The following ZDHHC15 variants were observed in gnomAD, a reference collection of about 807,000 sequenced individuals.
The protein encoded by ZDHHC15 is palmitoyltransferase ZDHHC15.
In ZDHHC15, 19 loss-of-function variants were observed where a neutral mutation model predicts 31.7. The observed-to-expected ratio is 0.60, with a 90% confidence interval of 0.42 to 0.88. ZDHHC15 has a LOEUF of 0.88. ZDHHC15 is among the 40% of genes least tolerant of loss of function. The pLI is 0.00. For missense variants in ZDHHC15, 209 were observed against 251.2 expected (o/e 0.83, Z 1.14); for synonymous variants, 103 against 90.0 (o/e 1.14, Z -0.82).
At chrX:75,509,012 A>G (rs1392186180) in intron 1 of ZDHHC15, among the ~76,000 whole-genome samples, 1 of 110,681 alleles carries the variant, frequency 9.0e-6, no homozygotes, top group Non-Finnish European at 1.9e-5. Flanking sequence ...TTTTCTTGTA[A>G]ATTTGTTTGA....
At chrX:75,412,273 T>C (rs1054337174) in intron 10 of ZDHHC15, among the ~76,000 whole-genome samples, 5 of 111,535 alleles carry the variant, frequency 4.5e-5, no homozygotes, top group African/African-American at 1.6e-4. Context: ...CCCTTCTGTG[T>C]ATATATCCAA....
chrX:75,432,548 T>C (rs1481385239), intron 4 of ZDHHC15, among the ~76,000 whole-genome samples: 1 of 111,807 alleles, frequency 8.9e-6, no homozygotes, highest in Non-Finnish European at 1.9e-5. Context: ...TAAAATATAC[T>C]GTCAATGCTC....
At chrX:75,464,901 A>C (rs915595100) in intron 3 of ZDHHC15, among the ~76,000 whole-genome samples, 1 of 112,057 alleles carries the variant, frequency 8.9e-6, no homozygotes, top group Non-Finnish European at 1.9e-5. Context: ...GCACAAGATA[A>C]GGATGCCCTC....
intron 3 of ZDHHC15, among the ~76,000 whole-genome samples, chrX:75,455,856 G>T (rs1275957625): frequency 1.8e-5 from 2 of 112,009 alleles, no homozygotes; most frequent in African/African-American, 6.5e-5. Context: ...AGAAACAACA[G>T]TTGCTGGAGA....
intron 6 of ZDHHC15, 32 bp downstream of exon 6, chrX:75,429,916 T>A (rs1354072550): frequency 8.3e-7 from 1 of 1,202,116 alleles, no homozygotes; most frequent in Admixed American, 2.2e-5. Flanking sequence ...TTTGACCCCT[T>A]TAGAGGAGAG....
At chrX:75,490,784 TC>T (rs934160127) in intron 2 of ZDHHC15, among the ~76,000 whole-genome samples, 2 of 111,732 alleles carry the variant, frequency 1.8e-5, no homozygotes, top group African/African-American at 6.5e-5. Flanking sequence ...ATGATTTGGC[TC>T]TCTGTTTGTC....
At chrX:75,393,601 G>T (rs2083268758) in intron 10 of ZDHHC15, among the ~76,000 whole-genome samples, 1 of 111,217 alleles carries the variant, frequency 9.0e-6, no homozygotes, top group Non-Finnish European at 1.9e-5. Context: ...CATACTATTA[G>T]AAGTAGAGTC....
Position 75,370,845 on chromosome X carries a change from T to C in ZDHHC15, c.*2133A>G, listed in dbSNP as rs2083000321. The stretch of plus-strand genomic sequence containing the variant: ...CTGCGCCCAGCCTTATTTGGCCTTT[T>C]AAAGACAGTGTAAATCTGTAAGACA... On this transcript the variant is annotated 3_prime_UTR_variant, in exon 12 of 12. Coordinates refer to ENST00000373367, the MANE Select transcript of ZDHHC15 (RefSeq NM_144969.3). 8.9e-6 allele frequency: 1 copy of C among 112,074 alleles called. No individual in the cohort carries two copies. Among genetic ancestry groups the C allele is most frequent in the Admixed American group, 9.5e-5 (1 of 10,534 alleles). The allele number at this position is 112,074 out of a possible 1,213,427, so 9.2% of individuals were successfully genotyped here.
intron 10 of ZDHHC15, among the ~76,000 whole-genome samples, chrX:75,409,597 C>T (rs188884587): frequency 9.6e-6 from 1 of 104,661 alleles, no homozygotes; most frequent in African/African-American, 3.5e-5. Flanking sequence ...GAGATTGAGA[C>T]CATCCTGGCT....
chrX:75,477,116 T>A (rs1293504170), intron 3 of ZDHHC15, among the ~76,000 whole-genome samples: 1 of 111,893 alleles, frequency 8.9e-6, no homozygotes, highest in Non-Finnish European at 1.9e-5. Flanking sequence ...ATTTCCCTTA[T>A]GCTGTCTTAT....
At chrX:75,417,647 A>G (rs1376498639) in intron 9 of ZDHHC15, among the ~76,000 whole-genome samples, 1 of 112,059 alleles carries the variant, frequency 8.9e-6, no homozygotes, top group Non-Finnish European at 1.9e-5. Context: ...TTTGGTGTGC[A>G]TGGCAGAAAG....
chrX:75,508,783 A>G (rs1476127581), intron 1 of ZDHHC15, among the ~76,000 whole-genome samples: 1 of 110,591 alleles, frequency 9.0e-6, no homozygotes, highest in Non-Finnish European at 1.9e-5. Flanking sequence ...AAGTGTTCCT[A>G]TTTCTCCACA....
intron 6 of ZDHHC15, 52 bp downstream of exon 6, chrX:75,429,896 A>G: frequency 1.7e-6 from 2 of 1,153,570 alleles, no homozygotes; most frequent in Non-Finnish European, 2.3e-6. Flanking sequence ...AGTGCATATA[A>G]TTGAGCAACT....
At chrX:75,406,905 G>A (rs762653352) in intron 10 of ZDHHC15, among the ~76,000 whole-genome samples, 7 of 111,886 alleles carry the variant, frequency 6.3e-5, no homozygotes, top group South Asian at 3.7e-4. Context: ...CCAATATCAC[G>A]GATGAACACA....
At chrX:75,437,270 G>GT (rs142112661) in intron 4 of ZDHHC15, among the ~76,000 whole-genome samples, 34 of 96,945 alleles carry the variant, frequency 3.5e-4, no homozygotes, top group African/African-American at 1.1e-3. Context: ...TCTTTTTTTT[G>GT]TTTTTTTTTT....
chrX:75,394,804 A>G (rs1323260448), intron 10 of ZDHHC15, among the ~76,000 whole-genome samples: 3 of 111,889 alleles, frequency 2.7e-5, no homozygotes, highest in African/African-American at 9.7e-5. Flanking sequence ...TTCAACATTG[A>G]ACAGATCACC....
At chrX:75,388,521 C>T (rs2147772748) in intron 10 of ZDHHC15, among the ~76,000 whole-genome samples, 1 of 112,022 alleles carries the variant, frequency 8.9e-6, no homozygotes, top group South Asian at 3.8e-4. Flanking sequence ...TTTAAAATAA[C>T]TTGTTACATC....
chrX:75,508,217 A>G (rs1444138250), intron 1 of ZDHHC15, among the ~76,000 whole-genome samples: 1 of 109,083 alleles, frequency 9.2e-6, no homozygotes, highest in African/African-American at 3.3e-5. Context: ...GCAGATGTAT[A>G]CATGTGCCAT....
chrX:75,422,096 A>G (rs1460557068), intron 8 of ZDHHC15, 106 bp from the exon 9 acceptor site: 1 of 989,013 alleles, frequency 1.0e-6, no homozygotes. Context: ...ACTTGGTTCT[A>G]TTATATCTTT....
Sources: allele counts gnomAD v4.1 joint callset (sites outside exome capture counted in the v4.1 genomes callset), GRCh38; gene constraint gnomAD v4.1.1; transcripts MANE v1.5; gene names NCBI Gene and HGNC (gene_info 2026-07-23, HGNC 2026-07-21).